The following ARHGAP15 variants were observed in gnomAD, a reference collection of about 807,000 sequenced individuals.
The protein encoded by ARHGAP15 is Rho GTPase activating protein 15.
ARHGAP15 carries 51 observed loss-of-function variants against 63.7 expected under a neutral mutation model. That is an observed-to-expected ratio of 0.80 (90% CI 0.64 to 1.01). The LOEUF is 1.01. ARHGAP15 is among the 50% of genes least tolerant of loss of function. ARHGAP15 has a pLI of 0.00. For synonymous variants in ARHGAP15, 191 were observed against 193.8 expected (o/e 0.99, Z 0.12); for missense variants, 560 against 564.6 (o/e 0.99, Z 0.08).
intron 13 of ARHGAP15, among the ~76,000 whole-genome samples, chr2:143,712,287 T>G (rs1684615709): frequency 6.6e-6 from 1 of 152,240 alleles, no homozygotes; most frequent in Non-Finnish European, 1.5e-5. Flanking sequence ...GGTGATATCC[T>G]TAACTTACAT....
chr2:143,658,851 G>A (rs1681595156), intron 12 of ARHGAP15, among the ~76,000 whole-genome samples: 1 of 152,160 alleles, frequency 6.6e-6, no homozygotes, highest in South Asian at 2.1e-4. Flanking sequence ...TCTTAATATA[G>A]CTAGGAAATT....
In ARHGAP15 at chr2:143,202,150, G is replaced by A; in HGVS notation, c.182G>A (p.Arg61Lys). 6.2e-7 allele frequency: 1 copy of A among 1,611,892 alleles called. No individual in the cohort carries two copies. Among genetic ancestry groups the A allele is most frequent in the Non-Finnish European group, 8.5e-7 (1 of 1,178,418 alleles). ...TATTTGCAGATATCCAGACACAGAA[G>A]GAATCATTCACAGCATATCTTGAAA... ...KVTEPISRHRRNHSQHILKDV... is the reference protein window; with the variant it reads ...KVTEPISRHRKNHSQHILKDV... The change falls in exon 3 of 14, where the codon AGG (arginine) becomes AAG (lysine). Residue 61 changes from arginine to lysine, a missense_variant. Arg to Lys is a conservative substitution (Grantham distance 26). Transcript: ENST00000295095.
intron 12 of ARHGAP15, among the ~76,000 whole-genome samples, chr2:143,638,407 A>C (rs1394227334): frequency 1.4e-5 from 2 of 145,330 alleles, no homozygotes; most frequent in Admixed American, 6.9e-5. Flanking sequence ...AAGAACAAAA[A>C]ACCAAACACC....
intron 2 of ARHGAP15, among the ~76,000 whole-genome samples, chr2:143,194,451 T>C (rs985873800): frequency 6.6e-6 from 1 of 152,214 alleles, no homozygotes; most frequent in African/African-American, 2.4e-5. Context: ...ATGTCTTAGA[T>C]CTAATACCAT....
chr2:143,133,785 A>G (rs1244881158), intron 1 of ARHGAP15, among the ~76,000 whole-genome samples: 2 of 152,036 alleles, frequency 1.3e-5, no homozygotes, highest in Non-Finnish European at 2.9e-5. Flanking sequence ...TCTTAATCCA[A>G]CGTAACCACT....
At chr2:143,459,796 GTGTATCCCTATGAT>G (rs1690840341) in intron 8 of ARHGAP15, among the ~76,000 whole-genome samples, 2 of 152,082 alleles carry the variant, frequency 1.3e-5, no homozygotes, top group East Asian at 3.8e-4. Context: ...AAAAATCATG[GTGTATCCCTATGAT>G]GGTATATATG....
intron 10 of ARHGAP15, among the ~76,000 whole-genome samples, chr2:143,522,770 C>A (rs1694109122): frequency 6.6e-6 from 1 of 152,254 alleles, no homozygotes; most frequent in South Asian, 2.1e-4. Context: ...TGCATTAAAA[C>A]CCCTGGGCCA....
At chr2:143,351,232 G>C (rs2105314521) in intron 6 of ARHGAP15, 1 of 152,256 alleles carries the variant, frequency 6.6e-6, no homozygotes, top group South Asian at 2.1e-4. Context: ...ACCATTTTGT[G>C]TTGGTCTTTT....
chr2:143,308,320 TAAGC>T lies in ARHGAP15; in HGVS notation c.474+57726_474+57729del, dbSNP rs573732789. The stretch of plus-strand genomic sequence containing the variant: ...GCATTAAGAGAACCATAAGGGGAAA[TAAGC>T]AAGCACTTTGTAGCCAGAAAGAACC... On this transcript the variant is annotated intron_variant, in intron 6 of 13. Transcript: ENST00000295095. Among the ~76,000 whole-genome samples, 16 of 152,212 alleles carry T rather than the reference TAAGC, an allele frequency of 1.1e-4. 1 individual carries two copies. In the East Asian group the frequency reaches 2.7e-3, roughly 26 times the overall value.
intron 13 of ARHGAP15, among the ~76,000 whole-genome samples, chr2:143,721,327 TA>T (rs1428728672): frequency 6.6e-6 from 1 of 152,148 alleles, no homozygotes; most frequent in African/African-American, 2.4e-5. Context: ...TCCTAGGAAC[TA>T]AATGAAGCAG....
chr2:143,582,394 C>T (rs1370965111), intron 11 of ARHGAP15, among the ~76,000 whole-genome samples: 3 of 152,142 alleles, frequency 2.0e-5, no homozygotes, highest in East Asian at 3.9e-4. Flanking sequence ...CCCATGGTTT[C>T]ATTTCCAAAC....
Position 143,763,070 on chromosome 2 carries a change from A to G in ARHGAP15, c.1245-4919A>G, listed in dbSNP as rs952740208. Among the ~76,000 whole-genome samples the G allele has an allele frequency of 5.9e-5, 9 of 152,092 alleles. 1 individual carries two copies. Among genetic ancestry groups the G allele is most frequent in the Admixed American group, 4.6e-4 (7 of 15,260 alleles). On this transcript the variant is annotated intron_variant, in intron 13 of 13. Transcript: ENST00000295095. ...TTCCAGCAGCCTATATTTCTTTTCT[A>G]CATATGTTTTACTAGTTGAAACCTT...
intron 1 of ARHGAP15, among the ~76,000 whole-genome samples, chr2:143,153,873 T>TCCTCCTCTTCCTCCTCC (rs1689967986): frequency 6.4e-5 from 3 of 46,848 alleles, no homozygotes; most frequent in Non-Finnish European, 1.5e-4. Context: ...CCTCCTCCTC[T>TCCTCCTCTTCCTCCTCC]TCCTCCTCCT....
chr2:143,611,059 C>T (rs1698236129), intron 11 of ARHGAP15, among the ~76,000 whole-genome samples: 1 of 152,122 alleles, frequency 6.6e-6, no homozygotes, highest in African/African-American at 2.4e-5. Context: ...TAACACTACT[C>T]CTCTAGAAAC....
At chr2:143,509,525 G>T (rs554775216) in intron 9 of ARHGAP15, among the ~76,000 whole-genome samples, 1 of 152,122 alleles carries the variant, frequency 6.6e-6, no homozygotes, top group Non-Finnish European at 1.5e-5. Context: ...ATATTCTGTC[G>T]TGTTTTAGCA....
intron 6 of ARHGAP15, among the ~76,000 whole-genome samples, chr2:143,415,872 G>A (rs1024590551): frequency 4.6e-5 from 7 of 152,098 alleles, no homozygotes; most frequent in Non-Finnish European, 1.0e-4. Context: ...AGTAACTCCC[G>A]AATGGAAAAC....
At chr2:143,172,717 T>C (rs1690839004) in intron 2 of ARHGAP15, among the ~76,000 whole-genome samples, 1 of 151,966 alleles carries the variant, frequency 6.6e-6, no homozygotes. Context: ...ATCACAGGGA[T>C]CTGGTGAGGT....
intron 13 of ARHGAP15, among the ~76,000 whole-genome samples, chr2:143,726,179 C>A (rs1685268796): frequency 6.6e-6 from 1 of 152,182 alleles, no homozygotes; most frequent in South Asian, 2.1e-4. Context: ...ATATGAAGAT[C>A]TGCAAATCCT....
chr2:143,610,898 T>A (rs1698227266), intron 11 of ARHGAP15, among the ~76,000 whole-genome samples: 1 of 152,028 alleles, frequency 6.6e-6, no homozygotes, highest in Non-Finnish European at 1.5e-5. Flanking sequence ...CCGGCTAATT[T>A]TTGTATTTTT....
Sources: gnomAD v4.1 joint callset for allele counts (sites outside exome capture counted in the v4.1 genomes callset) on GRCh38, gnomAD v4.1.1 for gene constraint, MANE v1.5 for transcripts, NCBI Gene and HGNC (gene_info 2026-07-23, HGNC 2026-07-21) for gene names.